The following SSUH2 variants were observed in gnomAD, a reference collection of about 807,000 sequenced individuals.
SSUH2 encodes ssu-2 homolog, also known as protein SSUH2 homolog.
SSUH2 carries 47 observed loss-of-function variants against 55.3 expected under a neutral mutation model. The ratio of observed to expected loss-of-function variants is 0.85; its 90% CI spans 0.67 to 1.08. The LOEUF is 1.08. Among genes scored for constraint, SSUH2 ranks in the 50% least tolerant of loss-of-function variants. SSUH2 has a pLI of 0.00. For synonymous variants in SSUH2, 212 were observed against 191.5 expected (o/e 1.11, Z -0.89); for missense variants, 535 against 490.7 (o/e 1.09, Z -0.85).
At chr3:8,670,068 G>T (rs141233544) in intron 5 of SSUH2, among the ~76,000 whole-genome samples, 1 of 151,710 alleles carries the variant, frequency 6.6e-6, no homozygotes, top group Non-Finnish European at 1.5e-5. Context: ...TTGCACCTCC[G>T]CAAGACAAGC....
At chr3:8,669,497 G>T (rs1030304706) in intron 5 of SSUH2, among the ~76,000 whole-genome samples, 5 of 152,140 alleles carry the variant, frequency 3.3e-5, no homozygotes, top group Admixed American at 1.3e-4. Context: ...ACAAAAGTTT[G>T]ACAAGATATA....
At chr3:8,626,681 G>T (rs1407283041) in intron 8 of SSUH2, among the ~76,000 whole-genome samples, 1 of 152,132 alleles carries the variant, frequency 6.6e-6, no homozygotes, top group Non-Finnish European at 1.5e-5. Flanking sequence ...TCTGTCCCAG[G>T]ATGTTTGTCG....
intron 2 of SSUH2, among the ~76,000 whole-genome samples, chr3:8,679,511 ACC>A: frequency 1.5e-5 from 2 of 131,612 alleles, no homozygotes; most frequent in South Asian, 2.5e-4. Context: ...TGGCTTTGGG[ACC>A]CTCATCGCAG....
chr3:8,638,748 C>G (rs1378408986), intron 1 of SSUH2, among the ~76,000 whole-genome samples: 3 of 152,140 alleles, frequency 2.0e-5, no homozygotes, highest in East Asian at 3.8e-4. Context: ...TGGGTCTTCC[C>G]CTTTCTTTGT....
chr3:8,641,167 G>A (rs1700767587), intron 1 of SSUH2, among the ~76,000 whole-genome samples: 1 of 152,166 alleles, frequency 6.6e-6, no homozygotes, highest in Non-Finnish European at 1.5e-5. Context: ...CCTGTCCTGT[G>A]CCCCTTGGCA....
At chr3:8,672,523 C>G (rs1378373724) in intron 3 of SSUH2, among the ~76,000 whole-genome samples, 1 of 151,990 alleles carries the variant, frequency 6.6e-6, no homozygotes, top group Non-Finnish European at 1.5e-5. Flanking sequence ...GGATGTACAC[C>G]CCCTGCCATA....
At chr3:8,646,484 G>C (rs1701695263), upstream of SSUH2, among the ~76,000 whole-genome samples, 1 of 152,188 alleles carries the variant, frequency 6.6e-6, no homozygotes, top group African/African-American at 2.4e-5. Flanking sequence ...AGACAACGCT[G>C]AGCTGTATTT....
intron 2 of SSUH2, among the ~76,000 whole-genome samples, chr3:8,677,591 A>T (rs149145635): frequency 6.6e-6 from 1 of 150,724 alleles, no homozygotes; most frequent in Non-Finnish European, 1.5e-5. Flanking sequence ...CATTGTATGC[A>T]TCAGAGAGAG....
In SSUH2 at chr3:8,632,250, T is replaced by C. The variant is rs1031155401; in HGVS notation, c.340-141A>G. The C allele has an allele frequency of 4.6e-4, 307 of 668,098 alleles. 2 individuals are homozygous for C. The highest frequency in any genetic ancestry group is 4.7e-5 in the Non-Finnish European group (18 of 383,902). 41.4% of individuals were successfully genotyped at this position (668,098 alleles called of 1,614,324 possible). On this transcript the variant is annotated intron_variant, in intron 4 of 11. Transcript: ENST00000544814. The stretch of plus-strand genomic sequence containing the variant: ...GCACAACACCCTCGGCTGCTGGAAC[T>C]GGCTGACAACAGCGATTTCTGTTCC...
intron 1 of SSUH2, among the ~76,000 whole-genome samples, chr3:8,640,694 G>A (rs1700677794): frequency 6.6e-6 from 1 of 152,156 alleles, no homozygotes; most frequent in African/African-American, 2.4e-5. Flanking sequence ...GCTGGAGAGA[G>A]AAGCATGAAT....
chr3:8,654,662 A>G (rs150209256), intron 7 of SSUH2, among the ~76,000 whole-genome samples: 83 of 152,360 alleles, frequency 5.4e-4, no homozygotes, highest in African/African-American at 1.8e-3. Flanking sequence ...TCAATGTCTC[A>G]GTGGGTGTCC....
chr3:8,633,304 C>T (rs1033046614), intron 4 of SSUH2, among the ~76,000 whole-genome samples: 14 of 152,138 alleles, frequency 9.2e-5, no homozygotes, highest in East Asian at 1.9e-4. Flanking sequence ...CCACCACGCC[C>T]GGCTAATTTT....
At chr3:8,661,428 T>C (rs1703476049) in intron 6 of SSUH2, among the ~76,000 whole-genome samples, 1 of 152,238 alleles carries the variant, frequency 6.6e-6, no homozygotes, top group African/African-American at 2.4e-5. Flanking sequence ...GTGGATGCTA[T>C]GGCTGATTCA....
At chr3:8,681,643 AC>A (rs964767988) in intron 1 of SSUH2, among the ~76,000 whole-genome samples, 2 of 134,440 alleles carry the variant, frequency 1.5e-5, no homozygotes, top group Admixed American at 7.4e-5. Context: ...AGGGTGAGGC[AC>A]CCCCCGTGCG....
At chr3:8,660,444 G>C (rs1703363661) in intron 6 of SSUH2, among the ~76,000 whole-genome samples, 1 of 152,126 alleles carries the variant, frequency 6.6e-6, no homozygotes, top group South Asian at 2.1e-4. Context: ...AAGAAGAAAA[G>C]AACAAGTTTT....
At position 8,623,152 on chromosome 3, in the gene SSUH2, G is replaced by A. The variant is rs576604493; in HGVS notation, c.981+397C>T. 1.9e-4 allele frequency among the ~76,000 whole-genome samples: 29 copies of A among 152,330 alleles called. No individual in the cohort carries two copies. The South Asian group carries it at 6.0e-3, about 32-fold the overall frequency. On this transcript the variant is annotated intron_variant, in intron 11 of 11. Transcript: ENST00000544814. ...CAGAGGCCAGGAGAAGACAGGGCTG[G>A]GGGTTGGGAAGTGCCAGGGGCCTCA...
At position 8,633,682 on chromosome 3, in the gene SSUH2, C is replaced by A. The variant is rs768757725; in HGVS notation, c.323G>T (p.Arg108Leu). Reference sequence around the variant, plus strand: ...GCCTCTCACCCTGCAGAGGGTCTGCCGCTTCAGCTCCTGGATGACGAGGTC... The same window carrying A: ...GCCTCTCACCCTGCAGAGGGTCTGCAGCTTCAGCTCCTGGATGACGAGGTC... The part of the protein sequence containing the change: ...AGDLVIQELK[R>L]QTLCRYRLET... Residue 108 changes from arginine (R) to leucine (L), a missense_variant, in exon 4 of 12, where the codon CGG becomes CTG. Coordinates refer to ENST00000544814, the MANE Select transcript of SSUH2 (RefSeq NM_001256748.3). 1.3e-6 allele frequency: 2 copies of A among 1,527,174 alleles called. No individual in the cohort carries two copies. Among genetic ancestry groups the A allele is most frequent in the Non-Finnish European group, 1.8e-6 (2 of 1,138,950 alleles). The allele number at this position is 1,527,174 out of a possible 1,614,324, so 94.6% of individuals were successfully genotyped here.
At position 8,635,297 on chromosome 3, in the gene SSUH2, C is replaced by T. The variant is rs1355975807; in HGVS notation, c.209+3G>A. 9 of 1,534,656 alleles carry T rather than the reference C, an allele frequency of 5.9e-6. No individual in the cohort carries two copies. The highest frequency in any genetic ancestry group is 7.0e-6 in the Non-Finnish European group (8 of 1,145,988). ...CAGTCACAGAGTACAACCTGAAACT[C>T]ACCTGTGTTCCAGGAACGAGGGCCA... is the stretch of plus-strand genomic sequence containing the variant. On this transcript the variant is annotated splice_donor_region_variant and intron_variant, in intron 3 of 11. Transcript: ENST00000544814.
chr3:8,680,793 C>T (rs773897311), intron 1 of SSUH2, among the ~76,000 whole-genome samples: 5 of 152,018 alleles, frequency 3.3e-5, no homozygotes, highest in Non-Finnish European at 7.4e-5. Flanking sequence ...CTCTCGGCCT[C>T]TGAATATTGG....
Sources: gnomAD v4.1 joint callset for allele counts (sites outside exome capture counted in the v4.1 genomes callset) on GRCh38, gnomAD v4.1.1 for gene constraint, MANE v1.5 for transcripts, NCBI Gene and HGNC (gene_info 2026-07-23, HGNC 2026-07-21) for gene names.